RBMS1: variants seen among roughly 807,000 people sequenced by gnomAD.
RBMS1 encodes RNA binding motif single stranded interacting protein 1, also known as RNA-binding motif, single-stranded-interacting protein 1.
RBMS1 carries 17 observed loss-of-function variants against 62.3 expected under a neutral mutation model. The observed-to-expected ratio is 0.27, with a 90% CI of 0.19 to 0.41. The LOEUF (loss-of-function observed/expected upper bound fraction) is 0.41. Ranked by LOEUF, RBMS1 falls within the 10% of genes least tolerant of loss-of-function variation. The probability of loss-of-function intolerance (pLI) is 1.00; values close to 1 mark genes in which losing one functional copy is unlikely to be tolerated. For synonymous variants in RBMS1, 172 were observed against 170.0 expected, an observed-to-expected ratio of 1.01 and a Z score of -0.09; for missense variants, 334 against 504.5, an observed-to-expected ratio of 0.66 and a Z score of 3.24.
chr2:160,372,243 A>G (rs890958434), intron 1 of RBMS1, among the ~76,000 whole-genome samples: 1 of 151,722 alleles, frequency 6.6e-6, no homozygotes, highest in East Asian at 1.9e-4. Flanking sequence ...AAGGGAAAGG[A>G]AAGCTAGGAC....
intron 2 of RBMS1, among the ~76,000 whole-genome samples, chr2:160,319,923 T>C (rs926872662): frequency 1.3e-5 from 2 of 152,180 alleles, no homozygotes; most frequent in Non-Finnish European, 2.9e-5. Flanking sequence ...CAGGTTCAAA[T>C]GACAATTACA....
intron 1 of RBMS1, among the ~76,000 whole-genome samples, chr2:160,424,377 G>GGGGGA (rs1553522140): frequency 1.4e-5 from 2 of 147,262 alleles, no homozygotes; most frequent in African/African-American, 5.1e-5. Flanking sequence ...GGGGGGGGGG[G>GGGGGA]AAACAAAAAG....
At chr2:160,405,932 G>C (rs541297185) in intron 1 of RBMS1, among the ~76,000 whole-genome samples, 2 of 152,262 alleles carry the variant, frequency 1.3e-5, no homozygotes, top group Non-Finnish European at 2.9e-5. Flanking sequence ...GGGTTGCAAG[G>C]GGAATGTTTA....
At position 160,336,023 on chromosome 2, in the gene RBMS1, G is replaced by A. The variant is rs559502068; in HGVS notation, c.252-17796C>T. On this transcript the variant is annotated intron_variant, in intron 2 of 13. Transcript: ENST00000348849. ...ATTTTCTCCTGTTATTTTACACTGA[G>A]CAGCTCATGTTAGGGTGTGAAATTT... 5.9e-5 allele frequency among the ~76,000 whole-genome samples: 9 copies of A among 152,238 alleles called. No individual in the cohort carries two copies. In the South Asian group the frequency reaches 1.0e-3, roughly 18 times the overall value.
At chr2:160,407,746 C>T in intron 1 of RBMS1, 1 of 981,328 alleles carries the variant, frequency 1.0e-6, no homozygotes, top group Non-Finnish European at 1.2e-6. Context: ...AAGTACGGCG[C>T]GGCAGCGGGC....
At chr2:160,439,700 A>G (rs1429928340) in intron 1 of RBMS1, among the ~76,000 whole-genome samples, 6 of 152,194 alleles carry the variant, frequency 3.9e-5, no homozygotes, top group Admixed American at 3.9e-4. Context: ...AGGCCAAGGC[A>G]GGCTGCTGGG....
At chr2:160,278,239 G>A (rs942860179) in intron 11 of RBMS1, 10 of 335,440 alleles carry the variant, frequency 3.0e-5, no homozygotes, top group African/African-American at 6.5e-5. Context: ...TTCGTCTTTC[G>A]CTTCATGACA....
intron 2 of RBMS1, among the ~76,000 whole-genome samples, chr2:160,331,050 A>G (rs1691238390): frequency 6.6e-6 from 1 of 152,140 alleles, no homozygotes; most frequent in African/African-American, 2.4e-5. Context: ...ACAAACTACC[A>G]AAGCTGGAAG....
intron 2 of RBMS1, among the ~76,000 whole-genome samples, chr2:160,358,409 TC>T (rs1692926261): frequency 6.6e-6 from 1 of 152,174 alleles, no homozygotes; most frequent in African/African-American, 2.4e-5. Flanking sequence ...ATGCTCAAGT[TC>T]CTTGGTCTAA....
chr2:160,484,494 G>A (rs1355930664), intron 1 of RBMS1, among the ~76,000 whole-genome samples: 1 of 149,314 alleles, frequency 6.7e-6, no homozygotes, highest in African/African-American at 2.5e-5. Flanking sequence ...GCGAGACTCC[G>A]TCACAACAAC....
chr2:160,428,632 G>A (rs923244788), intron 1 of RBMS1, among the ~76,000 whole-genome samples: 4 of 152,050 alleles, frequency 2.6e-5, no homozygotes, highest in African/African-American at 7.2e-5. Flanking sequence ...AGGTTGGATC[G>A]GCTTCCACAA....
At chr2:160,450,656 T>G (rs1187943477) in intron 1 of RBMS1, among the ~76,000 whole-genome samples, 4 of 151,914 alleles carry the variant, frequency 2.6e-5, no homozygotes, top group Non-Finnish European at 5.9e-5. Context: ...TCCTTTGGAT[T>G]AAATCATTAC....
intron 1 of RBMS1, among the ~76,000 whole-genome samples, chr2:160,442,428 T>G (rs542110912): frequency 1.3e-5 from 2 of 152,364 alleles, no homozygotes; most frequent in African/African-American, 2.4e-5. Flanking sequence ...ATTTGAAATC[T>G]AATTTAAACA....
At chr2:160,347,192 G>A (rs1020195585) in intron 2 of RBMS1, among the ~76,000 whole-genome samples, 1 of 151,952 alleles carries the variant, frequency 6.6e-6, no homozygotes, top group African/African-American at 2.4e-5. Context: ...CTAAGGGCCG[G>A]CAATTAATTG....
chr2:160,465,888 A>ACACACACACACACACACACACACACACT (rs569580064), intron 1 of RBMS1, among the ~76,000 whole-genome samples: 1 of 145,280 alleles, frequency 6.9e-6, no homozygotes. Context: ...ACACACACAC[A>ACACACACACACACACACACACACACACT]CTCTCACATT....
chr2:160,357,744 A>G (rs1358254741), intron 2 of RBMS1, among the ~76,000 whole-genome samples: 1 of 152,104 alleles, frequency 6.6e-6, no homozygotes, highest in Non-Finnish European at 1.5e-5. Flanking sequence ...GTACACAGCA[A>G]TTTTCAAGAG....
At chr2:160,324,261 G>GCA (rs75747766) in intron 2 of RBMS1, among the ~76,000 whole-genome samples, 17,981 of 151,264 alleles carry the variant, frequency 0.12, 1,207 homozygotes, top group East Asian at 0.26. Context: ...GCGTGCGCGT[G>GCA]CACACACACA....
intron 1 of RBMS1, among the ~76,000 whole-genome samples, chr2:160,403,753 T>C (rs1283713619): frequency 6.6e-6 from 1 of 152,092 alleles, no homozygotes; most frequent in Non-Finnish European, 1.5e-5. Flanking sequence ...TAGGACAACA[T>C]ACTGCTTAGC....
intron 6 of RBMS1, among the ~76,000 whole-genome samples, chr2:160,289,545 C>A (rs1688573930): frequency 6.6e-6 from 1 of 152,178 alleles, no homozygotes; most frequent in South Asian, 2.1e-4. Context: ...AAAATTTTAA[C>A]TTAATGTCCA....
Sources: gnomAD v4.1 joint callset for allele counts (sites outside exome capture counted in the v4.1 genomes callset) on GRCh38, gnomAD v4.1.1 for gene constraint, MANE v1.5 for transcripts, NCBI Gene and HGNC (gene_info 2026-07-23, HGNC 2026-07-21) for gene names.